IL1RAPL2: variants seen among roughly 807,000 people sequenced by gnomAD.
The protein encoded by IL1RAPL2 is interleukin 1 receptor accessory protein like 2.
IL1RAPL2 carries 3 observed loss-of-function variants against 44.1 expected under a neutral mutation model. The observed-to-expected ratio is 0.07, with a 90% CI of 0.03 to 0.18. The LOEUF (loss-of-function observed/expected upper bound fraction) is 0.18, where lower values mean the gene tolerates loss of function less well. Ranked by LOEUF, IL1RAPL2 falls within the 10% of genes least tolerant of loss-of-function variation. The probability of loss-of-function intolerance (pLI) is 1.00; values close to 1 mark genes in which losing one functional copy is unlikely to be tolerated. For synonymous variants in IL1RAPL2, 181 were observed against 178.8 expected, an observed-to-expected ratio of 1.01 and a Z score of -0.10; for missense variants, 391 against 496.4, an observed-to-expected ratio of 0.79 and a Z score of 2.02.
At chrX:104,762,330 TCTC>T (rs1201243121) in intron 2 of IL1RAPL2, among the ~76,000 whole-genome samples, 3 of 111,036 alleles carry the variant, frequency 2.7e-5, no homozygotes, top group Admixed American at 9.6e-5. Flanking sequence ...TCCAAAATGA[TCTC>T]CTTTGATTCC....
At chrX:104,668,066 G>A (rs1930517197) in intron 2 of IL1RAPL2, among the ~76,000 whole-genome samples, 2 of 111,036 alleles carry the variant, frequency 1.8e-5, no homozygotes, top group South Asian at 7.6e-4. Context: ...TGCATAAAGT[G>A]CAGGATATTT....
intron 2 of IL1RAPL2, among the ~76,000 whole-genome samples, chrX:104,730,468 T>C (rs1359330421): frequency 4.7e-4 from 47 of 99,941 alleles, no homozygotes; most frequent in Non-Finnish European, 7.7e-4. Context: ...TGAGAACATG[T>C]GGTGTTTGGT....
chrX:105,314,348 C>G (rs1468704772), intron 5 of IL1RAPL2, among the ~76,000 whole-genome samples: 1 of 108,890 alleles, frequency 9.2e-6, no homozygotes, highest in Admixed American at 1.0e-4. Context: ...GTCGATCTTG[C>G]TGTTTTCAAG....
chrX:105,457,518 G>A (rs1229097104), intron 5 of IL1RAPL2, among the ~76,000 whole-genome samples: 1 of 109,958 alleles, frequency 9.1e-6, no homozygotes, highest in Non-Finnish European at 1.9e-5. Context: ...GTCTTTATGT[G>A]TCTGGCTTAC....
Position 105,489,690 on chromosome X carries a change from CTT to C in IL1RAPL2, c.772+5305_772+5306del, listed in dbSNP as rs763679335. ...TCTTTCTTTCTCTTTCTTTTTCTTT[CTT>C]TCTTTCTTTTTCTTTCCTTCCTTCC... is the stretch of plus-strand genomic sequence containing the variant. On this transcript the variant is annotated intron_variant, in intron 6 of 10. Transcript: ENST00000372582. 5.3e-3 allele frequency among the ~76,000 whole-genome samples: 573 copies of C among 107,458 alleles called. 5 individuals carry two copies. Among genetic ancestry groups the C allele is most frequent in the African/African-American group, 0.018 (539 of 29,495 alleles). 93.3% of individuals were successfully genotyped at this position (107,458 alleles called of 115,157 possible).
At chrX:105,266,053 T>A (rs944831232) in intron 4 of IL1RAPL2, among the ~76,000 whole-genome samples, 1 of 110,605 alleles carries the variant, frequency 9.0e-6, no homozygotes, top group African/African-American at 3.3e-5. Context: ...TACTTTTTTT[T>A]TTTTTGAGAC....
At chrX:105,410,091 A>C (rs985355400) in intron 5 of IL1RAPL2, among the ~76,000 whole-genome samples, 1 of 110,614 alleles carries the variant, frequency 9.0e-6, no homozygotes, top group African/African-American at 3.3e-5. Context: ...AATCAAGTGT[A>C]GGGTGCAAAG....
At chrX:104,957,783 G>T (rs1209842111) in intron 2 of IL1RAPL2, among the ~76,000 whole-genome samples, 1 of 111,464 alleles carries the variant, frequency 9.0e-6, no homozygotes, top group Non-Finnish European at 1.9e-5. Flanking sequence ...GTTATTGGTT[G>T]GTTTAAATAC....
intron 6 of IL1RAPL2, among the ~76,000 whole-genome samples, chrX:105,557,251 C>G (rs1343567501): frequency 9.0e-6 from 1 of 111,011 alleles, no homozygotes; most frequent in South Asian, 3.7e-4. Flanking sequence ...TCATATTTCT[C>G]GAAAGATTAG....
chrX:105,185,906 C>T (rs1432790831), intron 2 of IL1RAPL2, among the ~76,000 whole-genome samples: 1 of 111,755 alleles, frequency 8.9e-6, no homozygotes, highest in Non-Finnish European at 1.9e-5. Context: ...TTTATGGATT[C>T]AGCACTGTAT....
chrX:104,821,347 C>A (rs1921297639), intron 2 of IL1RAPL2, among the ~76,000 whole-genome samples: 1 of 110,759 alleles, frequency 9.0e-6, no homozygotes, highest in Non-Finnish European at 1.9e-5. Flanking sequence ...CTGAACCCAT[C>A]AACCTGTCAT....
chrX:105,102,029 G>A (rs1301592223), intron 2 of IL1RAPL2, among the ~76,000 whole-genome samples: 1 of 111,772 alleles, frequency 8.9e-6, no homozygotes, highest in Non-Finnish European at 1.9e-5. Flanking sequence ...TTTAAAATGC[G>A]CAATGTGTGG....
intron 2 of IL1RAPL2, among the ~76,000 whole-genome samples, chrX:104,936,958 G>A (rs1428951330): frequency 1.8e-5 from 2 of 111,822 alleles, no homozygotes; most frequent in Non-Finnish European, 3.8e-5. Flanking sequence ...AGATGAATTG[G>A]TAGATAGAGT....
At chrX:104,953,308 G>A (rs1316245387) in intron 2 of IL1RAPL2, among the ~76,000 whole-genome samples, 1 of 111,800 alleles carries the variant, frequency 8.9e-6, no homozygotes, top group Non-Finnish European at 1.9e-5. Context: ...AAACACAGTT[G>A]CTGTGGAAAC....
intron 1 of IL1RAPL2, among the ~76,000 whole-genome samples, chrX:104,638,980 C>T (rs1217805019): frequency 8.9e-6 from 1 of 112,379 alleles, no homozygotes; most frequent in Non-Finnish European, 1.9e-5. Context: ...CTCTTCATTG[C>T]AGTCTATCTT....
rs138981409 is a variant in IL1RAPL2, at chrX:105,021,479, G to A, written c.83-173996G>A. Among the ~76,000 whole-genome samples, 213 of 110,978 alleles carry A rather than the reference G, an allele frequency of 1.9e-3. 2 individuals carry two copies. The highest frequency in any genetic ancestry group is 6.7e-3 in the African/African-American group (205 of 30,566). On this transcript the variant is annotated intron_variant, in intron 2 of 10. Transcript: ENST00000372582. Reference sequence around the variant, plus strand: ...CATATAAGCTCAAGAATTATAGACCGCTCTGCTGTTTGCCTCACTGGGTCA... The same window carrying A: ...CATATAAGCTCAAGAATTATAGACCACTCTGCTGTTTGCCTCACTGGGTCA...
intron 2 of IL1RAPL2, among the ~76,000 whole-genome samples, chrX:104,935,310 G>T (rs1410803082): frequency 9.0e-6 from 1 of 111,233 alleles, no homozygotes; most frequent in African/African-American, 3.3e-5. Flanking sequence ...TATTTATTGG[G>T]GCCAATTGTA....
chrX:105,371,314 T>C (rs1237291777), intron 5 of IL1RAPL2, among the ~76,000 whole-genome samples: 2 of 112,266 alleles, frequency 1.8e-5, no homozygotes, highest in African/African-American at 6.5e-5. Context: ...CAAGGGCTGA[T>C]GTCCAGAATG....
chrX:104,687,978 G>A (rs190287749), intron 2 of IL1RAPL2, among the ~76,000 whole-genome samples: 160 of 111,436 alleles, frequency 1.4e-3, no homozygotes, highest in Middle Eastern at 4.6e-3. Context: ...ACTATTTTGC[G>A]GCAAACCTTT....
Sources: gnomAD v4.1 joint callset for allele counts (sites outside exome capture counted in the v4.1 genomes callset) on GRCh38, gnomAD v4.1.1 for gene constraint, MANE v1.5 for transcripts, NCBI Gene and HGNC (gene_info 2026-07-23, HGNC 2026-07-21) for gene names.